The following KNG1 variants were observed in gnomAD, a reference collection of about 807,000 sequenced individuals.
The protein encoded by KNG1 is kininogen 1, also known as kininogen-1.
A neutral mutation model predicts 47.8 loss-of-function variants in KNG1; 23 were observed. The ratio of observed to expected loss-of-function variants is 0.48; its 90% CI spans 0.35 to 0.68. The LOEUF is 0.68. KNG1 is among the 30% of genes least tolerant of loss of function. The pLI, the probability that KNG1 is intolerant of heterozygous loss-of-function variation, is 0.01. For synonymous variants in KNG1, 277 were observed against 277.0 expected, an observed-to-expected ratio of 1.00 and a Z score of 0.00; for missense variants, 762 against 790.2, an observed-to-expected ratio of 0.96 and a Z score of 0.43.
chr3:186,737,193 A>G (rs1225969728), intron 7 of KNG1, among the ~76,000 whole-genome samples: 2 of 152,234 alleles, frequency 1.3e-5, no homozygotes, highest in Admixed American at 1.3e-4. Context: ...AAGGCTAACA[A>G]TGATGTCTCA....
intron 5 of KNG1, among the ~76,000 whole-genome samples, chr3:186,729,834 G>A (rs1038185062): frequency 5.9e-5 from 9 of 152,032 alleles, no homozygotes; most frequent in Non-Finnish European, 8.8e-5. Flanking sequence ...CACCACGGCC[G>A]GCTAGTTTTG....
intron 9 of KNG1, among the ~76,000 whole-genome samples, chr3:186,741,009 G>GT (rs890517760): frequency 1.5e-4 from 23 of 149,322 alleles, no homozygotes; most frequent in Admixed American, 1.1e-3. Flanking sequence ...TTTGTTTTTT[G>GT]TTTTTTTTGA....
intron 9 of KNG1, among the ~76,000 whole-genome samples, chr3:186,740,696 T>A (rs1348844896): frequency 6.6e-6 from 1 of 152,232 alleles, no homozygotes; most frequent in Non-Finnish European, 1.5e-5. Context: ...TCAGGTTGCA[T>A]TTCAAGCTTG....
Position 186,742,346 on chromosome 3 carries a change from G to T in KNG1, c.*15G>T. ...GCCTTTCTTAATTTAAGTGGCTATG[G>T]GTATTTCTTTCATACTTTATTAAAG... On this transcript the variant is annotated 3_prime_UTR_variant, in exon 10 of 10. Transcript: ENST00000644859. The T allele has an allele frequency of 3.1e-6, 5 of 1,612,902 alleles. No homozygotes were observed. Among genetic ancestry groups the T allele is most frequent in the South Asian group, 1.1e-5 (1 of 91,040 alleles).
intron 9 of KNG1, among the ~76,000 whole-genome samples, chr3:186,739,658 C>T (rs1047602372): frequency 3.3e-5 from 5 of 152,244 alleles, no homozygotes; most frequent in Admixed American, 6.5e-5. Context: ...TCTCCTAGTG[C>T]ACTGCAGTCC....
At position 186,732,521 on chromosome 3, in the gene KNG1, A is replaced by G. The variant is rs1324453029; in HGVS notation, c.777A>G (p.Pro259=). ...DIYPGKDFVQ[P]PTKICVGCPR... is the part of the protein sequence containing the mutation. ...TTTCAGGGAAGGATTTTGTACAACC[A>G]CCTACCAAGATTTGCGTGGGCTGCC... Residue 259 remains proline, a synonymous_variant, in exon 7 of 10, where the codon CCA becomes CCG. Coordinates refer to ENST00000644859, the MANE Select transcript of KNG1 (RefSeq NM_001102416.3). 2.5e-6 allele frequency: 4 copies of G among 1,614,064 alleles called. No individual in the cohort carries two copies. The highest frequency in any genetic ancestry group is 3.4e-6 in the Non-Finnish European group (4 of 1,180,038).
intron 7 of KNG1, chr3:186,734,629 T>G (rs941147367): frequency 1.3e-5 from 2 of 151,978 alleles, no homozygotes; most frequent in African/African-American, 4.8e-5. Context: ...GTTGTGGTTT[T>G]TGCCAAAGTA....
chr3:186,725,918 G>GA (rs59230183), intron 4 of KNG1, among the ~76,000 whole-genome samples: 42,214 of 143,910 alleles, frequency 0.29, 6,409 homozygotes, highest in Middle Eastern at 0.4. Context: ...CATATCATCA[G>GA]AAAAAAAAAA....
chr3:186,717,875 A>AC (rs1359599511), intron 1 of KNG1, 138 bp downstream of exon 1: 1 of 230,368 alleles, frequency 4.3e-6, no homozygotes, highest in Non-Finnish European at 7.5e-6. Flanking sequence ...ACCCACCACC[A>AC]CCACCACAAC....
At chr3:186,734,481 GA>G (rs954845529) in intron 7 of KNG1, 1 of 151,858 alleles carries the variant, frequency 6.6e-6, no homozygotes, top group Non-Finnish European at 1.5e-5. Flanking sequence ...AATAATGTGG[GA>G]AAAAAAAGTG....
At chr3:186,725,047 T>G in intron 3 of KNG1, 41 bp from the exon 4 acceptor site, 2 of 1,608,624 alleles carry the variant, frequency 1.2e-6, no homozygotes, top group South Asian at 1.1e-5. Context: ...GAATGCTGAT[T>G]GCGATCATTA....
In KNG1 at chr3:186,720,371, G is replaced by A. The variant is rs1219759961; in HGVS notation, c.306+156G>A. 3 of 662,174 alleles carry A rather than the reference G, an allele frequency of 4.5e-6. No individual in the cohort carries two copies. The East Asian group carries it at 8.2e-5, about 18-fold the overall frequency. 41.0% of individuals were successfully genotyped at this position (662,174 alleles called of 1,614,324 possible). Reference sequence around the variant, plus strand: ...GAAAAGTCAGATGCTTTATATCTGTGTTCTTGTATAGACAGAAAAATCATG... The same window carrying A: ...GAAAAGTCAGATGCTTTATATCTGTATTCTTGTATAGACAGAAAAATCATG... On this transcript the variant is annotated intron_variant, in intron 2 of 9. Transcript: ENST00000644859.
intron 7 of KNG1, 125 bp downstream of exon 7, chr3:186,732,799 A>C (rs780234297): frequency 4.4e-5 from 35 of 802,644 alleles, no homozygotes; most frequent in Non-Finnish European, 7.4e-5. Context: ...TTGGTGCATT[A>C]GATTTGGTAA....
At chr3:186,725,543 A>ATTTTTTGTTTTTTTTTTTTTTTT (rs1720337242) in intron 4 of KNG1, among the ~76,000 whole-genome samples, 1 of 87,726 alleles carries the variant, frequency 1.1e-5, no homozygotes, top group South Asian at 4.0e-4. Flanking sequence ...CGGCCTTAGG[A>ATTTTTTGTTTTTTTTTTTTTTTT]TTTTTTTTTT....
In KNG1 at chr3:186,742,339, G is replaced by A. The variant is rs1720839164; in HGVS notation, c.*8G>A. Reference sequence around the variant, plus strand: ...ACTGATGGCCTTTCTTAATTTAAGTGGCTATGGGTATTTCTTTCATACTTT... The same window carrying A: ...ACTGATGGCCTTTCTTAATTTAAGTAGCTATGGGTATTTCTTTCATACTTT... On this transcript the variant is annotated 3_prime_UTR_variant, in exon 10 of 10. Coordinates refer to ENST00000644859, the MANE Select transcript of KNG1 (RefSeq NM_001102416.3). 1.9e-6 allele frequency: 3 copies of A among 1,613,330 alleles called. No individual in the cohort carries two copies. In the South Asian group the frequency reaches 3.3e-5, roughly 18 times the overall value.
rs760597319 is a variant in KNG1 at position 186,741,675 on chromosome 3, C to T, written c.1279C>T (p.Arg427Cys). ...RDSGKEQGHT[R>C]RHDWGHEKQR... ...TTCAGGAAAAGAACAAGGGCATACT[C>T]GTAGACATGACTGGGGCCATGAAAA... Residue 427 changes from arginine (R) to cysteine (C), a missense_variant, in exon 10 of 10, where the codon CGT (arginine) becomes TGT (cysteine). Transcript: ENST00000644859. 2.8e-5 allele frequency: 46 copies of T among 1,614,060 alleles called. No individual in the cohort carries two copies. The highest frequency in any genetic ancestry group is 5.3e-5 in the African/African-American group (4 of 74,926).
Position 186,742,131 on chromosome 3 carries a change from G to A in KNG1, c.1735G>A (p.Ala579Thr), listed in dbSNP as rs766583108. ...IATMMPPISP[A>T]PIQSDDDWIP... ...AACTATGATGCCTCCTATATCACCA[G>A]CTCCCATACAGAGTGATGACGATTG... The change falls in exon 10 of 10, where the codon GCT becomes ACT. Residue 579 changes from alanine to threonine, a missense_variant. By Grantham distance (58) the Ala-to-Thr change is moderately conservative. Transcript: ENST00000644859. The A allele has an allele frequency of 2.5e-6, 4 of 1,614,074 alleles. No homozygotes were observed. The highest frequency in any genetic ancestry group is 3.4e-6 in the Non-Finnish European group (4 of 1,180,010).
At chr3:186,740,345 G>C (rs1720775527) in intron 9 of KNG1, among the ~76,000 whole-genome samples, 1 of 152,128 alleles carries the variant, frequency 6.6e-6, no homozygotes, top group Non-Finnish European at 1.5e-5. Context: ...ACATTTTCGA[G>C]TCCTCCTTAT....
intron 5 of KNG1, among the ~76,000 whole-genome samples, chr3:186,731,152 C>T (rs142106186): frequency 3.9e-5 from 6 of 152,264 alleles, no homozygotes; most frequent in African/African-American, 9.6e-5. Flanking sequence ...ATTTGTCTCA[C>T]GTAGCTTTGT....
Sources: allele counts gnomAD v4.1 joint callset (sites outside exome capture counted in the v4.1 genomes callset), GRCh38; gene constraint gnomAD v4.1.1; transcripts MANE v1.5; gene names NCBI Gene and HGNC (gene_info 2026-07-23, HGNC 2026-07-21).